Variants in ZNF276 observed in about 807,000 individuals in gnomAD.
ZNF276 encodes the protein zinc finger protein 276, also known as centromere protein Z.
Under a neutral mutation model 63.9 loss-of-function variants are expected in ZNF276, and 59 were observed. The observed-to-expected ratio is 0.92, with a 90% CI of 0.75 to 1.15. The LOEUF (loss-of-function observed/expected upper bound fraction) is 1.15. ZNF276 is among the 50% of genes most tolerant of loss of function. The pLI is 0.00. For synonymous variants in ZNF276, 496 were observed against 348.4 expected (o/e 1.42, Z -4.72); for missense variants, 1,084 against 843.8 (o/e 1.28, Z -3.53).
At position 89,727,369 on chromosome 16, in the gene ZNF276, G is replaced by C. The variant is rs980381267; in HGVS notation, c.1085+12G>C. The C allele has an allele frequency of 6.2e-7, 1 of 1,613,542 alleles. No individual in the cohort carries two copies. Among genetic ancestry groups the C allele is most frequent in the Non-Finnish European group, 8.5e-7 (1 of 1,179,790 alleles). On this transcript the variant is annotated intron_variant, in intron 5 of 10. Transcript: ENST00000443381. ...GACCTTTCTGAGGGGTGAGAGAAGA[G>C]TGGGTTTAAACAGCCTAAAATTTCT...
intron 6 of ZNF276, 181 bp from the exon 7 acceptor site, chr16:89,733,121 C>T (rs909442805): frequency 9.4e-6 from 6 of 636,508 alleles, no homozygotes; most frequent in Non-Finnish European, 1.7e-5. Context: ...GTGCTCGCCC[C>T]TGAGGCCTCC....
At chr16:89,729,061 C>T (rs1379864199) in intron 5 of ZNF276, among the ~76,000 whole-genome samples, 174 bp from the exon 6 acceptor site, 1 of 152,128 alleles carries the variant, frequency 6.6e-6, no homozygotes, top group Non-Finnish European at 1.5e-5. Context: ...CCTGGCTGGC[C>T]CTTTGTGTTC....
rs2061744148 is a variant in ZNF276, at chr16:89,733,504, A to G, written c.1303A>G (p.Lys435Glu). 2.5e-6 allele frequency: 4 copies of G among 1,614,098 alleles called. No individual in the cohort carries two copies. The highest frequency in any genetic ancestry group is 2.5e-6 in the Non-Finnish European group (3 of 1,180,026). The change falls in exon 8 of 11, where the codon AAG (lysine) becomes GAG (glutamate). Residue 435 changes from lysine (K) to glutamate (E), a missense_variant. Lys to Glu is a moderately conservative substitution (Grantham distance 56, BLOSUM62 1). Transcript: ENST00000443381. The part of the protein sequence containing the change: ...CEREELPTIY[K>E]CPYQGCTAVY... Reference sequence around the variant, plus strand: ...CAGGGAGGAGCTTCCCACCATCTACAAGTGTCCTTACCAGGGCTGCACGGC... The same window carrying G: ...CAGGGAGGAGCTTCCCACCATCTACGAGTGTCCTTACCAGGGCTGCACGGC...
Position 89,723,288 on chromosome 16 carries a change from C to G in ZNF276, c.585C>G (p.Cys195Trp). The change falls in exon 4 of 11, where the codon TGC becomes TGG. Residue 195 changes from cysteine to tryptophan, a missense_variant. Coordinates refer to ENST00000443381, the MANE Select transcript of ZNF276 (RefSeq NM_001113525.2). The part of the protein sequence containing the change: ...LVDLITSSPQ[C>W]LHGLVGWVHG... ...ATCTGATCACATCCAGCCCCCAGTG[C>G]CTGCACGGCTTGGTGGGGTGGGTGC... is the stretch of plus-strand genomic sequence containing the variant. The G allele has an allele frequency of 1.9e-6, 3 of 1,613,088 alleles. No homozygotes were observed. Among genetic ancestry groups the G allele is most frequent in the Non-Finnish European group, 2.5e-6 (3 of 1,179,966 alleles).
chr16:89,725,770 G>T (rs578108810), intron 4 of ZNF276, among the ~76,000 whole-genome samples: 2 of 152,012 alleles, frequency 1.3e-5, no homozygotes, highest in African/African-American at 4.8e-5. Flanking sequence ...TGGCCTGACC[G>T]ACAGAGCAAG....
chr16:89,733,833 C>T (rs1306367417), intron 8 of ZNF276, 88 bp from the exon 9 acceptor site: 2 of 1,267,194 alleles, frequency 1.6e-6, no homozygotes, highest in Non-Finnish European at 2.3e-6. Context: ...GATCTGCCTT[C>T]CAGGGGCCTC....
intron 6 of ZNF276, among the ~76,000 whole-genome samples, chr16:89,729,923 C>G (rs1023589201): frequency 1.3e-5 from 2 of 152,158 alleles, no homozygotes; most frequent in Admixed American, 1.3e-4. Flanking sequence ...GTGCTGTTTT[C>G]TTTGCAGCCC....
chr16:89,723,855 C>A (rs914290669), intron 4 of ZNF276, 146 bp downstream of exon 4: 1 of 905,006 alleles, frequency 1.1e-6, no homozygotes, highest in Non-Finnish European at 1.6e-6. Flanking sequence ...CTTCTGCCTG[C>A]GGCTGCTCAC....
rs144905900 is a variant in ZNF276, at chr16:89,734,026, C to G, written c.1462C>G (p.Leu488Val). ...CCGCTACCTGCAGCGCCACGTGAAG[C>G]TCATCCACACAGGTACGCCTATCGC... ...IDRYLQRHVK[L>V]IHTEVRNYIC... Residue 488 changes from leucine to valine, a missense_variant, in exon 9 of 11, where the codon CTC becomes GTC. Coordinates refer to ENST00000443381, the MANE Select transcript of ZNF276 (RefSeq NM_001113525.2). 1.3e-5 allele frequency: 21 copies of G among 1,613,906 alleles called. No individual in the cohort carries two copies. The highest frequency in any genetic ancestry group is 1.7e-5 in the Non-Finnish European group (20 of 1,180,018).
At chr16:89,734,406 A>G (rs1048778177) in intron 9 of ZNF276, among the ~76,000 whole-genome samples, 2 of 151,818 alleles carry the variant, frequency 1.3e-5, no homozygotes, top group Admixed American at 6.6e-5. Flanking sequence ...GCTCACCACA[A>G]CCTCTGCCTC....
chr16:89,733,744 G>C (rs1225888662), intron 8 of ZNF276, among the ~76,000 whole-genome samples, 177 bp from the exon 9 acceptor site: 2 of 151,504 alleles, frequency 1.3e-5, no homozygotes, highest in African/African-American at 4.8e-5. Flanking sequence ...ACTTTCACTT[G>C]AGACACCCCC....
At chr16:89,722,360 T>A (rs116853582) in intron 1 of ZNF276, among the ~76,000 whole-genome samples, 171 bp from the exon 2 acceptor site, 14,861 of 152,194 alleles carry the variant, frequency 0.098, 887 homozygotes, top group South Asian at 0.16. Context: ...AGCGGCCACA[T>A]CCCCCACAGG....
intron 9 of ZNF276, among the ~76,000 whole-genome samples, 167 bp downstream of exon 9, chr16:89,734,205 C>T (rs532814911): frequency 2.6e-5 from 4 of 152,260 alleles, no homozygotes; most frequent in East Asian, 3.9e-4. Context: ...TAGAGTAGGG[C>T]GTCAGTGTGA....
At chr16:89,734,648 A>C (rs892024213) in intron 9 of ZNF276, among the ~76,000 whole-genome samples, 8 of 152,136 alleles carry the variant, frequency 5.3e-5, no homozygotes, top group Admixed American at 3.9e-4. Flanking sequence ...GGCAAGGCAG[A>C]AGGCATGAAG....
At position 89,739,234 on chromosome 16, in the gene ZNF276, C is replaced by T; in HGVS notation, c.*988C>T. On this transcript the variant is annotated 3_prime_UTR_variant, in exon 11 of 11. Transcript: ENST00000443381. ...AGCTTCAAGTACATGTCCACAGCAA[C>T]ATGCAGGAAGGCCTCTTCCCTGATG... 6.2e-7 allele frequency: 1 copy of T among 1,614,162 alleles called. No homozygotes were observed. The highest frequency in any genetic ancestry group is 2.2e-5 in the East Asian group (1 of 44,894).
At chr16:89,735,084 G>T (rs1811643071) in intron 9 of ZNF276, among the ~76,000 whole-genome samples, 1 of 151,220 alleles carries the variant, frequency 6.6e-6, no homozygotes, top group Non-Finnish European at 1.5e-5. Context: ...AGTGAGCCGA[G>T]ATCACACCAC....
At chr16:89,726,477 T>C (rs1272964155) in intron 4 of ZNF276, among the ~76,000 whole-genome samples, 1 of 152,106 alleles carries the variant, frequency 6.6e-6, no homozygotes, top group Non-Finnish European at 1.5e-5. Flanking sequence ...ATTGCAGGCA[T>C]GAGTTACCAC....
chr16:89,733,092 T>C, intron 6 of ZNF276: 1 of 587,150 alleles, frequency 1.7e-6, no homozygotes, highest in South Asian at 2.0e-5. Flanking sequence ...TGCTGTGTCC[T>C]GCGCCCTTGC....
intron 6 of ZNF276, chr16:89,732,336 G>A (rs1481005249): frequency 6.6e-6 from 1 of 152,386 alleles, no homozygotes; most frequent in Non-Finnish European, 1.5e-5. Flanking sequence ...TCCCTGCAGT[G>A]GAGGCGGGGT....
Sources: allele counts gnomAD v4.1 joint callset (sites outside exome capture counted in the v4.1 genomes callset), GRCh38; gene constraint gnomAD v4.1.1; transcripts MANE v1.5; gene names NCBI Gene and HGNC (gene_info 2026-07-23, HGNC 2026-07-21).